The following ANKRD55 variants were observed in gnomAD, a reference collection of about 807,000 sequenced individuals.
ANKRD55 encodes the protein ankyrin repeat domain 55.
In ANKRD55, 41 loss-of-function variants were observed where a neutral mutation model predicts 60.6. That is an observed-to-expected ratio of 0.68 (90% CI 0.53 to 0.88). ANKRD55 has a LOEUF of 0.88. Ranked by LOEUF, ANKRD55 falls within the 40% of genes least tolerant of loss-of-function variation. The pLI is 0.00. For synonymous variants in ANKRD55, 264 were observed against 290.3 expected, an observed-to-expected ratio of 0.91 and a Z score of 0.92; for missense variants, 732 against 767.6, an observed-to-expected ratio of 0.95 and a Z score of 0.55.
chr5:56,180,921 C>T (rs1350152161), intron 3 of ANKRD55, among the ~76,000 whole-genome samples: 1 of 152,088 alleles, frequency 6.6e-6, no homozygotes, highest in Non-Finnish European at 1.5e-5. Flanking sequence ...TGCTTTTGGC[C>T]GGGCCAGTGG....
At chr5:56,204,680 A>C (rs915727394) in intron 2 of ANKRD55, among the ~76,000 whole-genome samples, 1 of 152,166 alleles carries the variant, frequency 6.6e-6, no homozygotes, top group African/African-American at 2.4e-5. Context: ...TTTATAAATT[A>C]CCCAGTCTTG....
In ANKRD55 at chr5:56,119,451, T is replaced by C. The variant is rs111518475; in HGVS notation, c.798-2669A>G. The stretch of plus-strand genomic sequence containing the variant: ...AGGGATGGGAGAGGGCTTGACTATA[T>C]GGAAGGACATGAGTTGATGTTGGAG... On this transcript the variant is annotated intron_variant, in intron 8 of 11. Transcript: ENST00000341048. Among the ~76,000 whole-genome samples the C allele has an allele frequency of 4.5e-3, 692 of 152,282 alleles. 10 individuals are homozygous for C. Among genetic ancestry groups the C allele is most frequent in the African/African-American group, 0.016 (654 of 41,560 alleles).
At chr5:56,233,083 T>C (rs1213244359) in intron 1 of ANKRD55, 137 bp from the exon 2 acceptor site, 3 of 639,072 alleles carry the variant, frequency 4.7e-6, no homozygotes, top group Non-Finnish European at 8.4e-6. Context: ...GTGATGAAAA[T>C]AGGTAAATGC....
At chr5:56,156,679 G>A (rs1316929181) in intron 6 of ANKRD55, among the ~76,000 whole-genome samples, 3 of 152,264 alleles carry the variant, frequency 2.0e-5, no homozygotes, top group East Asian at 1.9e-4. Context: ...ACAATCTGCT[G>A]ACATGGACTC....
intron 10 of ANKRD55, among the ~76,000 whole-genome samples, chr5:56,106,542 G>C (rs953008564): frequency 1.3e-5 from 2 of 149,776 alleles, no homozygotes; most frequent in Non-Finnish European, 3.0e-5. Context: ...TCCCACCTCA[G>C]CCTCCACAGT....
chr5:56,174,013 G>A lies in ANKRD55; in HGVS notation c.312+2139C>T, dbSNP rs543673004. Reference sequence around the variant, plus strand: ...AGGAGGGAGGGATAAGCTTCACAGTGCAGTCCCCAGGACAACTGCTTCCCG... The same window carrying A: ...AGGAGGGAGGGATAAGCTTCACAGTACAGTCCCCAGGACAACTGCTTCCCG... On this transcript the variant is annotated intron_variant, in intron 4 of 11. Transcript: ENST00000341048. Among the ~76,000 whole-genome samples, 26 of 152,236 alleles carry A rather than the reference G, an allele frequency of 1.7e-4. No homozygotes were observed. In the East Asian group the frequency reaches 2.5e-3, roughly 15 times the overall value.
At chr5:56,143,122 G>T (rs1344456571) in intron 7 of ANKRD55, among the ~76,000 whole-genome samples, 1 of 152,192 alleles carries the variant, frequency 6.6e-6, no homozygotes, top group Non-Finnish European at 1.5e-5. Context: ...AACTGTGGGG[G>T]TGTCTGTGCT....
chr5:56,214,590 C>T (rs768161144), intron 2 of ANKRD55, among the ~76,000 whole-genome samples: 2 of 152,216 alleles, frequency 1.3e-5, no homozygotes, highest in Non-Finnish European at 2.9e-5. Context: ...AGCAGCAGCA[C>T]TGGGATCTGA....
chr5:56,121,264 G>A (rs1309572648), intron 8 of ANKRD55, among the ~76,000 whole-genome samples: 10 of 151,914 alleles, frequency 6.6e-5, no homozygotes, highest in Non-Finnish European at 1.5e-4. Flanking sequence ...AATCTAGTGA[G>A]ATAACTCAAA....
intron 2 of ANKRD55, among the ~76,000 whole-genome samples, chr5:56,221,246 T>C (rs1759957391): frequency 1.3e-5 from 2 of 152,250 alleles, no homozygotes; most frequent in South Asian, 2.1e-4. Flanking sequence ...TCTTCCTTTG[T>C]AGGCATCTGG....
intron 7 of ANKRD55, among the ~76,000 whole-genome samples, chr5:56,135,935 T>G (rs561302405): frequency 1.0e-3 from 153 of 152,188 alleles, no homozygotes; most frequent in Non-Finnish European, 1.7e-3. Flanking sequence ...AATTTGAAAT[T>G]AAAAATACAA....
intron 10 of ANKRD55, among the ~76,000 whole-genome samples, chr5:56,108,969 G>A (rs1464475575): frequency 2.6e-5 from 4 of 151,624 alleles, no homozygotes; most frequent in South Asian, 2.1e-4. Context: ...CCCAGGAGGC[G>A]GATGTTGCAG....
chr5:56,186,244 T>A (rs1758970328), intron 2 of ANKRD55, among the ~76,000 whole-genome samples: 1 of 152,220 alleles, frequency 6.6e-6, no homozygotes, highest in Non-Finnish European at 1.5e-5. Flanking sequence ...CTTGGCTCAC[T>A]GCAGCCTTGA....
At chr5:56,198,072 C>T (rs1759266848) in intron 2 of ANKRD55, among the ~76,000 whole-genome samples, 1 of 152,064 alleles carries the variant, frequency 6.6e-6, no homozygotes, top group Admixed American at 6.6e-5. Context: ...TACTAATTCC[C>T]ATTTTCTAGT....
chr5:56,181,977 T>C (rs1424375636), intron 3 of ANKRD55, among the ~76,000 whole-genome samples: 3 of 152,250 alleles, frequency 2.0e-5, no homozygotes, highest in Non-Finnish European at 2.9e-5. Flanking sequence ...CACTGGTCTA[T>C]AGGCTTATTT....
chr5:56,217,193 T>G (rs1418346084), intron 2 of ANKRD55, among the ~76,000 whole-genome samples: 1 of 152,192 alleles, frequency 6.6e-6, no homozygotes. Flanking sequence ...AGCAAATCTA[T>G]TTACAACATG....
chr5:56,114,064 C>T (rs1208688819), intron 9 of ANKRD55: 2 of 150,846 alleles, frequency 1.3e-5, no homozygotes, highest in Non-Finnish European at 2.9e-5. Context: ...CGTGGTGGCT[C>T]ACGCCTGTAA....
intron 3 of ANKRD55, among the ~76,000 whole-genome samples, chr5:56,181,036 C>T (rs1267843840): frequency 2.0e-5 from 3 of 152,084 alleles, no homozygotes; most frequent in Non-Finnish European, 4.4e-5. Context: ...CCTGTCTCTA[C>T]TAAAAATACA....
At chr5:56,192,718 T>TG (rs1490174509) in intron 2 of ANKRD55, 19 of 1,372,298 alleles carry the variant, frequency 1.4e-5, no homozygotes, top group Non-Finnish European at 2.0e-5. Context: ...ATGGACAGAA[T>TG]CATCTAGGAG....
Sources: allele counts gnomAD v4.1 joint callset (sites outside exome capture counted in the v4.1 genomes callset), GRCh38; gene constraint gnomAD v4.1.1; transcripts MANE v1.5; gene names NCBI Gene and HGNC (gene_info 2026-07-23, HGNC 2026-07-21).